Variants in NCOR2 observed in about 807,000 individuals in gnomAD.
NCOR2 encodes CTG repeat protein 26.
Under a neutral mutation model 262.9 loss-of-function variants are expected in NCOR2, and 81 were observed. That is an observed-to-expected ratio of 0.31 (90% confidence interval 0.26 to 0.37). NCOR2 has a LOEUF of 0.37. Ranked by LOEUF, NCOR2 falls within the 10% of genes least tolerant of loss-of-function variation. NCOR2 has a pLI of 1.00. For synonymous variants in NCOR2, 1,659 were observed against 1,559.3 expected, an observed-to-expected ratio of 1.06 and a Z score of -1.51; for missense variants, 3,385 against 3,621.4, an observed-to-expected ratio of 0.93 and a Z score of 1.68.
At position 124,467,530 on chromosome 12, in the gene NCOR2, CCCA is replaced by C. The variant is rs1334921927; in HGVS notation, c.592-1247_592-1245del. On this transcript the variant is annotated intron_variant, in intron 4 of 46. Transcript: ENST00000405201. ...CCCCATCATCCTCATCCTCATCACC[CCCA>C]TCACCCTCATCCTCATCACCCCCAT... Among the ~76,000 whole-genome samples, 12 of 24,586 alleles carry C rather than the reference CCCA, an allele frequency of 4.9e-4. 1 individual carries two copies. Among genetic ancestry groups the C allele is most frequent in the Non-Finnish European group, 6.1e-4 (7 of 11,440 alleles). 16.1% of individuals were successfully genotyped at this position (24,586 alleles called of 152,430 possible).
intron 19 of NCOR2, 97 bp from the exon 22 acceptor site, chr12:124,372,707 G>T: frequency 9.0e-7 from 1 of 1,110,722 alleles, no homozygotes; most frequent in Non-Finnish European, 1.3e-6. Context: ...CCGCTCTGTC[G>T]CCTGATGCCA....
At chr12:124,565,268 C>T (rs999740590) in intron 1 of NCOR2, among the ~76,000 whole-genome samples, 1 of 152,122 alleles carries the variant, frequency 6.6e-6, no homozygotes, top group Non-Finnish European at 1.5e-5. Context: ...GTCTGGGCAC[C>T]GGCACCACAG....
intron 6 of NCOR2, among the ~76,000 whole-genome samples, chr12:124,453,020 C>T (rs992680539): frequency 6.6e-6 from 1 of 152,142 alleles, no homozygotes; most frequent in African/African-American, 2.4e-5. Context: ...ATGCCGTGCA[C>T]CGCCATGGCA....
At chr12:124,366,908 T>C (rs2039083651) in intron 20 of NCOR2, among the ~76,000 whole-genome samples, 2 of 152,222 alleles carry the variant, frequency 1.3e-5, no homozygotes, top group Non-Finnish European at 2.9e-5. Flanking sequence ...TACTATATGC[T>C]AGCCATAAAG....
exon 28 of NCOR2, chr12:124,350,600 G>A (rs556554921): frequency 6.2e-7 from 1 of 1,613,854 alleles, no homozygotes; most frequent in East Asian, 2.2e-5. Flanking sequence ...CATAGGACAA[G>A]ACGTGGCCCT....
rs913202816 is a variant in NCOR2, at chr12:124,549,935, C to G, written c.-164-14324G>C. 1.3e-5 allele frequency among the ~76,000 whole-genome samples: 2 copies of G among 152,166 alleles called. No homozygotes were observed. The highest frequency in any genetic ancestry group is 4.8e-5 in the African/African-American group (2 of 41,432). On this transcript the variant is annotated intron_variant, in intron 1 of 32. Coordinates refer to the NCOR2 transcript ENST00000458234. This position sits in a 1 kb window ranked among gnomAD's most constrained non-coding sequence, Gnocchi z 4.4. ...GAATGAACAAAATCTACATGCTGGG[C>G]GCAAGCTCCGAGGAAAACTCCTTCG... is the stretch of plus-strand genomic sequence containing the variant.
chr12:124,532,834 A>G (rs1291237034), intron 1 of NCOR2, among the ~76,000 whole-genome samples: 1 of 146,364 alleles, frequency 6.8e-6, no homozygotes. Context: ...TGCTGAGTTC[A>G]TCACTTTGTG....
chr12:124,371,041 T>C (rs1440209575), intron 20 of NCOR2, among the ~76,000 whole-genome samples: 1 of 152,194 alleles, frequency 6.6e-6, no homozygotes, highest in African/African-American at 2.4e-5. Context: ...CACTTGCAGC[T>C]GCCTCCTGAC....
intron 1 of NCOR2, among the ~76,000 whole-genome samples, chr12:124,534,875 G>C (rs1228040170): frequency 6.6e-6 from 1 of 152,178 alleles, no homozygotes; most frequent in Admixed American, 6.5e-5. Flanking sequence ...GGGGTGACCT[G>C]TGAAAAGCAC....
chr12:124,334,992 G>A (rs1197113251), intron 40 of NCOR2, 143 bp downstream of exon 42: 32 of 1,273,882 alleles, frequency 2.5e-5, no homozygotes, highest in Non-Finnish European at 3.3e-5. Flanking sequence ...CCTCACCCAC[G>A]CCCTGGATCC....
chr12:124,493,002 T>G (rs1477957476), intron 1 of NCOR2, among the ~76,000 whole-genome samples: 1 of 152,150 alleles, frequency 6.6e-6, no homozygotes, highest in East Asian at 1.9e-4. Flanking sequence ...AGGACAGACA[T>G]GTTCTCACCT....
intron 13 of NCOR2, among the ~76,000 whole-genome samples, chr12:124,418,060 C>CAAA (rs56362015): frequency 1.2e-5 from 1 of 86,922 alleles, no homozygotes; most frequent in Admixed American, 1.3e-4. Flanking sequence ...AACTCCATCT[C>CAAA]AAAAAAAAAA....
At chr12:124,428,605 G>A (rs1012842273) in intron 10 of NCOR2, among the ~76,000 whole-genome samples, 3 of 152,212 alleles carry the variant, frequency 2.0e-5, no homozygotes, top group Non-Finnish European at 4.4e-5. Context: ...TTGTCCAACA[G>A]AGCACTCTGC....
chr12:124,430,921 T>C (rs2043875821), intron 8 of NCOR2, 134 bp from the exon 11 acceptor site: 6 of 976,244 alleles, frequency 6.1e-6, no homozygotes, highest in South Asian at 1.7e-5. Flanking sequence ...CACACACATA[T>C]ACAGTCAGAT....
chr12:124,372,554 C>A (rs747451283), exon 20 of NCOR2: 1 of 1,596,468 alleles, frequency 6.3e-7, no homozygotes, highest in East Asian at 2.2e-5. Context: ...GTGTCCTTGG[C>A]GGCCTCAGTG....
exon 47 of NCOR2, chr12:124,324,995 C>G (rs113021933): frequency 6.4e-6 from 1 of 156,766 alleles, no homozygotes; most frequent in African/African-American, 2.4e-5. Context: ...AGGGAGGGCG[C>G]GGGGGCTGCG....
chr12:124,489,878 G>A (rs978344000), intron 1 of NCOR2, among the ~76,000 whole-genome samples: 8 of 152,118 alleles, frequency 5.3e-5, no homozygotes, highest in Admixed American at 1.3e-4. Flanking sequence ...GTTCCTTTGC[G>A]GGAGAGGAGT....
intron 1 of NCOR2, among the ~76,000 whole-genome samples, chr12:124,556,691 C>T (rs2137278099): frequency 6.6e-6 from 1 of 152,274 alleles, no homozygotes; most frequent in South Asian, 2.1e-4. Context: ...AAAACCCCAT[C>T]TCTACTAAAA....
intron 7 of NCOR2, among the ~76,000 whole-genome samples, chr12:124,448,643 T>C (rs2136489952): frequency 1.1e-4 from 1 of 9,404 alleles, no homozygotes; most frequent in Non-Finnish European, 4.1e-4. Flanking sequence ...GCTGCAACAA[T>C]GACCAGGTGG....
Sources: gnomAD v4.1 joint callset for allele counts (sites outside exome capture counted in the v4.1 genomes callset) on GRCh38, gnomAD v4.1.1 for gene constraint, Gnocchi (gnomAD v3.1) non-coding constraint, MANE v1.5 for transcripts, NCBI Gene and HGNC (gene_info 2026-07-23, HGNC 2026-07-21) for gene names.